The following ITIH6 variants were observed in gnomAD, a reference collection of about 807,000 sequenced individuals.
The protein encoded by ITIH6 is inter-alpha-trypsin inhibitor heavy chain H6.
ITIH6 carries 60 observed loss-of-function variants against 58.2 expected under a neutral mutation model. That is an observed-to-expected ratio of 1.03 (90% CI 0.84 to 1.28). The LOEUF is 1.28. Among genes scored for constraint, ITIH6 ranks in the 50% most tolerant of loss-of-function variants. The pLI, the probability that ITIH6 is intolerant of heterozygous loss-of-function variation, is 0.00. For missense variants in ITIH6, 1,290 were observed against 1,021.1 expected (o/e 1.26, Z -3.59); for synonymous variants, 493 against 417.4 (o/e 1.18, Z -2.21).
Position 54,775,965 on chromosome X carries a change from C to T in ITIH6, c.787-1768G>A, listed in dbSNP as rs572808831. Among the ~76,000 whole-genome samples, 25 of 112,010 alleles carry T rather than the reference C, an allele frequency of 2.2e-4. No homozygotes were observed. The South Asian group carries it at 8.9e-3, about 40-fold the overall frequency. On this transcript the variant is annotated intron_variant, in intron 5 of 12. Transcript: ENST00000218436. ...ACACAAATAAGCACCTTCAAAAGAA[C>T]CAAAAGCTCAGTACCTGGTTTTAAC... is the stretch of plus-strand genomic sequence containing the variant.
chrX:54,751,350 G>A lies in ITIH6; in HGVS notation c.3383C>T (p.Ala1128Val), dbSNP rs762435178. 9 of 1,211,708 alleles carry A rather than the reference G, an allele frequency of 7.4e-6. No homozygotes were observed. The highest frequency in any genetic ancestry group is 1.0e-5 in the Non-Finnish European group (9 of 895,293). Residue 1128 changes from alanine to valine, a missense_variant, in exon 12 of 13, where the codon GCA becomes GTA. Coordinates refer to ENST00000218436, the MANE Select transcript of ITIH6 (RefSeq NM_198510.3). ...GTCCTTGTGGCCCGGCCTTGGTGGT[G>A]CGCCAAGCAGCTTCCCACTCACATG... ...GLHVSGKLLG[A>V]PPRPGHKDQT... is the part of the protein sequence containing the mutation.
At chrX:54,756,403 G>A (rs1171443354) in intron 8 of ITIH6, among the ~76,000 whole-genome samples, 3 of 112,208 alleles carry the variant, frequency 2.7e-5, no homozygotes, top group Non-Finnish European at 3.8e-5. Flanking sequence ...TGTCAAGAAA[G>A]AAAGATGTTT....
chrX:54,751,252 G>A lies in ITIH6; in HGVS notation c.3481C>T (p.Arg1161Cys). ...KPRAYTITIS[R>C]SSISLRGEGT... Reference sequence around the variant, plus strand: ...TCGCCTCGCAAAGATATAGAACTGCGGCTGATGGTGATAGTATAGGCCCGG... The same window carrying A: ...TCGCCTCGCAAAGATATAGAACTGCAGCTGATGGTGATAGTATAGGCCCGG... Residue 1161 changes from arginine (R) to cysteine (C), a missense_variant, in exon 12 of 13, where the codon CGC becomes TGC. Arg to Cys is a radical substitution (Grantham distance 180). Transcript: ENST00000218436. 4.1e-6 allele frequency: 5 copies of A among 1,211,803 alleles called. No individual in the cohort carries two copies. Among genetic ancestry groups the A allele is most frequent in the East Asian group, 3.0e-5 (1 of 33,830 alleles).
chrX:54,792,359 A>T lies in ITIH6; in HGVS notation c.258-323T>A, dbSNP rs190899118. 1.3e-4 allele frequency among the ~76,000 whole-genome samples: 14 copies of T among 111,777 alleles called. No individual in the cohort carries two copies. The East Asian group carries it at 3.9e-3, about 31-fold the overall frequency. ...AATTCTACCTTTTGGCACACAGCATAATTTTAGGTACGATATAACCGAATA... is the reference window on the plus strand; with the variant it reads ...AATTCTACCTTTTGGCACACAGCATTATTTTAGGTACGATATAACCGAATA... On this transcript the variant is annotated intron_variant, in intron 2 of 12. Transcript: ENST00000218436.
In ITIH6 at chrX:54,796,934, A is replaced by G. The variant is rs1287239013; in HGVS notation, c.257+8T>C. ...TGAATGAAGTGGTGACTTTGGAAGC[A>G]GACTTACATAGTGAAATTGGAGATA... On this transcript the variant is annotated splice_region_variant and intron_variant, in intron 2 of 12. Coordinates refer to ENST00000218436, the MANE Select transcript of ITIH6 (RefSeq NM_198510.3). 1.7e-6 allele frequency: 2 copies of G among 1,206,473 alleles called. No individual in the cohort carries two copies. The highest frequency in any genetic ancestry group is 1.1e-6 in the Non-Finnish European group (1 of 892,081).
At chrX:54,776,040 T>C (rs1929044390) in intron 5 of ITIH6, among the ~76,000 whole-genome samples, 1 of 111,242 alleles carries the variant, frequency 9.0e-6, no homozygotes, top group African/African-American at 3.3e-5. Context: ...CAGTCTTGAA[T>C]TGCCAACACC....
In ITIH6 at chrX:54,758,319, G is replaced by A; in HGVS notation, c.1755C>T (p.Arg585=). Reference sequence around the variant, plus strand: ...TGAGGACTTTGGCAGCCAGCAGGTGGCGAGTGGTGGTGTCACGAGCTTGGA... The same window carrying A: ...TGAGGACTTTGGCAGCCAGCAGGTGACGAGTGGTGGTGTCACGAGCTTGGA... ...AHFQARDTTT[R]HLLAAKVLNL... Residue 585 remains arginine (R), a synonymous_variant, in exon 8 of 13, where the codon CGC becomes CGT. Coordinates refer to ENST00000218436, the MANE Select transcript of ITIH6 (RefSeq NM_198510.3). The A allele has an allele frequency of 8.3e-7, 1 of 1,211,891 alleles. No individual in the cohort carries two copies. The highest frequency in any genetic ancestry group is 1.1e-6 in the Non-Finnish European group (1 of 895,463).
intron 5 of ITIH6, among the ~76,000 whole-genome samples, chrX:54,784,154 A>G (rs1369803275): frequency 9.0e-6 from 1 of 111,611 alleles, no homozygotes; most frequent in East Asian, 2.8e-4. Flanking sequence ...ATGAAACTAG[A>G]CCTCTCTCTC....
Position 54,788,541 on chromosome X carries a change from A to C in ITIH6, c.725T>G (p.Ile242Ser). The part of the protein sequence containing the change: ...QDQSSISGSG[I>S]MADFLVQYDV... The stretch of plus-strand genomic sequence containing the variant: ...GTACTGAACCAGGAAGTCAGCCATG[A>C]TGCCTGACCCAGAGATGGACGACTG... Residue 242 changes from isoleucine to serine, a missense_variant, in exon 5 of 13, where the codon ATC (isoleucine) becomes AGC (serine). Coordinates refer to ENST00000218436, the MANE Select transcript of ITIH6 (RefSeq NM_198510.3). 5 of 1,210,492 alleles carry C rather than the reference A, an allele frequency of 4.1e-6. No homozygotes were observed. The highest frequency in any genetic ancestry group is 5.6e-6 in the Non-Finnish European group (5 of 894,736).
At position 54,757,046 on chromosome X, in the gene ITIH6, A is replaced by T. The variant is rs113006616; in HGVS notation, c.3028T>A (p.Ser1010Thr). 22 of 1,209,432 alleles carry T rather than the reference A, an allele frequency of 1.8e-5. No homozygotes were observed. The Admixed American group carries it at 4.8e-4, about 26-fold the overall frequency. ...AACTTGGATTCCACCATTGATTCAGACAGCAGCTCTAGCTCCTCAGGGAGA... is the reference window on the plus strand; with the variant it reads ...AACTTGGATTCCACCATTGATTCAGTCAGCAGCTCTAGCTCCTCAGGGAGA... ...LLLPEELELL[S>T]ESMVESKFVE... Residue 1010 changes from serine (S) to threonine (T), a missense_variant, in exon 8 of 13, where the codon TCT (serine) becomes ACT (threonine). By Grantham distance (58) the Ser-to-Thr change is moderately conservative. Coordinates refer to ENST00000218436, the MANE Select transcript of ITIH6 (RefSeq NM_198510.3).
intron 2 of ITIH6, among the ~76,000 whole-genome samples, chrX:54,795,219 A>C (rs1602069138): frequency 8.9e-6 from 1 of 111,757 alleles, no homozygotes; most frequent in Non-Finnish European, 1.9e-5. Context: ...ATTTCTAAAG[A>C]GGGGTGCACA....
chrX:54,758,754 G>A lies in ITIH6; in HGVS notation c.1320C>T (p.Arg440=). The A allele has an allele frequency of 1.7e-6, 2 of 1,210,820 alleles. No individual in the cohort carries two copies. The highest frequency in any genetic ancestry group is 2.2e-6 in the Non-Finnish European group (2 of 894,981). The change falls in exon 8 of 13, where the codon CGC becomes CGT. Residue 440 remains arginine (R), a synonymous_variant. Transcript: ENST00000218436. Reference sequence around the variant, plus strand: ...CTATTCCCCGGTTTTCCAGGGACAGGCGGCGCAGCAGTGTAAAGTCAGCAT... The same window carrying A: ...CTATTCCCCGGTTTTCCAGGGACAGACGGCGCAGCAGTGTAAAGTCAGCAT... The part of the protein sequence containing the change: ...GDDADFTLLR[R]LSLENRGIAR...
In ITIH6 at chrX:54,757,877, A is replaced by T. The variant is rs1321050810; in HGVS notation, c.2197T>A (p.Ser733Thr). Residue 733 changes from serine (S) to threonine (T), a missense_variant, in exon 8 of 13, where the codon TCT (serine) becomes ACT (threonine). Coordinates refer to ENST00000218436, the MANE Select transcript of ITIH6 (RefSeq NM_198510.3). Reference protein sequence around the residue: ...TKPTILVPSNSGTLLPLKPGS... With the variant: ...TKPTILVPSNTGTLLPLKPGS... ...GGCTTCAGAGGCAACAGAGTACCAG[A>T]ATTTGAGGGCACAAGAATGGTAGGT... is the stretch of plus-strand genomic sequence containing the variant. The T allele has an allele frequency of 8.3e-7, 1 of 1,211,272 alleles. No individual in the cohort carries two copies. The highest frequency in any genetic ancestry group is 2.2e-5 in the Admixed American group (1 of 45,998).
chrX:54,752,941 T>A (rs1179230456), intron 11 of ITIH6, among the ~76,000 whole-genome samples: 1 of 112,504 alleles, frequency 8.9e-6, no homozygotes, highest in African/African-American at 3.2e-5. Flanking sequence ...ATTTTACTAG[T>A]TGACGTTCTG....
rs1457600225 is a variant in ITIH6, at chrX:54,757,445, G to A, written c.2629C>T (p.Pro877Ser). The A allele has an allele frequency of 8.3e-7, 1 of 1,208,306 alleles. No individual in the cohort carries two copies. Among genetic ancestry groups the A allele is most frequent in the Non-Finnish European group, 1.1e-6 (1 of 894,383 alleles). The change falls in exon 8 of 13, where the codon CCA becomes TCA. Residue 877 changes from proline (P) to serine (S), a missense_variant. Pro to Ser is a moderately conservative substitution (Grantham distance 74, BLOSUM62 -1). Coordinates refer to ENST00000218436, the MANE Select transcript of ITIH6 (RefSeq NM_198510.3). ...TSISLSKPET[P>S]NPHMPQTPLP... ...GGGGTTTGAGGCATATGGGGGTTTG[G>A]GGTCTCAGGCTTGGAAAGTGATATG...
In ITIH6 at chrX:54,794,912, C is replaced by T. The variant is rs1929413694; in HGVS notation, c.257+2030G>A. 2.7e-5 allele frequency among the ~76,000 whole-genome samples: 3 copies of T among 111,739 alleles called. No individual in the cohort carries two copies. In the South Asian group the frequency reaches 1.1e-3, roughly 42 times the overall value. On this transcript the variant is annotated intron_variant, in intron 2 of 12. Transcript: ENST00000218436. ...GCTTTCCCTTTATCTGCTCCAGCTC[C>T]CTTGTTTATCACCTCAACAGGGTAC... is the stretch of plus-strand genomic sequence containing the variant.
chrX:54,757,110 C>T lies in ITIH6; in HGVS notation c.2964G>A (p.Leu988=). The change falls in exon 8 of 13, where the codon CTG becomes CTA. Residue 988 remains leucine (L), a synonymous_variant. Coordinates refer to ENST00000218436, the MANE Select transcript of ITIH6 (RefSeq NM_198510.3). ...EGSPPNLPIL[L]PSSILPEAIS... The stretch of plus-strand genomic sequence containing the variant: ...TGGCCTCAGGGAGGATGCTAGAAGG[C>T]AGCAAGATTGGCAGGTTTGGAGGGC... The T allele has an allele frequency of 1.7e-6, 2 of 1,211,744 alleles. No homozygotes were observed. Among genetic ancestry groups the T allele is most frequent in the Non-Finnish European group, 2.2e-6 (2 of 895,449 alleles).
Position 54,757,098 on chromosome X carries a change from G to T in ITIH6, c.2976C>A (p.Ile992=). ...GGAGCAGACTGATGGCCTCAGGGAG[G>T]ATGCTAGAAGGCAGCAAGATTGGCA... ...PNLPILLPSS[I]LPEAISLLLL... Residue 992 remains isoleucine (I), a synonymous_variant, in exon 8 of 13, where the codon ATC becomes ATA. Transcript: ENST00000218436. The T allele has an allele frequency of 2.5e-6, 3 of 1,211,384 alleles. No homozygotes were observed. Among genetic ancestry groups the T allele is most frequent in the Non-Finnish European group, 2.2e-6 (2 of 895,207 alleles).
At chrX:54,759,097 C>A in intron 7 of ITIH6, 99 bp from the exon 8 acceptor site, 1 of 580,352 alleles carries the variant, frequency 1.7e-6, no homozygotes, top group Admixed American at 4.0e-5. Context: ...CTCACAGCTC[C>A]TTATCTTTGC....
Sources: gnomAD v4.1 joint callset for allele counts (sites outside exome capture counted in the v4.1 genomes callset) on GRCh38, gnomAD v4.1.1 for gene constraint, MANE v1.5 for transcripts, NCBI Gene and HGNC (gene_info 2026-07-23, HGNC 2026-07-21) for gene names.